DLC1: variants seen among roughly 807,000 people sequenced by gnomAD.
DLC1 encodes the protein DLC1 Rho GTPase activating protein, also known as rho GTPase-activating protein 7.
In DLC1, 54 loss-of-function variants were observed where a neutral mutation model predicts 140.3. That is an observed-to-expected ratio of 0.38 (90% CI 0.31 to 0.48). The LOEUF (loss-of-function observed/expected upper bound fraction) is 0.48, where lower values mean the gene tolerates loss of function less well. DLC1 is among the 20% of genes least tolerant of loss of function. The probability of loss-of-function intolerance (pLI) is 0.96; values close to 1 mark genes in which losing one functional copy is unlikely to be tolerated. For missense variants in DLC1, 2,536 were observed against 1,907.0 expected (o/e 1.33, Z -6.14); for synonymous variants, 986 against 728.1 (o/e 1.35, Z -5.70).
chr8:13,478,500 G>A (rs917102672), intron 2 of DLC1, among the ~76,000 whole-genome samples: 5 of 152,142 alleles, frequency 3.3e-5, no homozygotes, highest in African/African-American at 1.2e-4. Flanking sequence ...TGAACTCTTA[G>A]CTAAAGTCTA....
chr8:13,593,405 A>G (rs1433235322), intron 1 of DLC1, among the ~76,000 whole-genome samples: 3 of 152,262 alleles, frequency 2.0e-5, no homozygotes, highest in South Asian at 2.1e-4. Context: ...GAGTGTAACC[A>G]TTCAATTTGC....
intron 5 of DLC1, among the ~76,000 whole-genome samples, chr8:13,137,158 A>C (rs1822625749): frequency 6.6e-6 from 1 of 152,182 alleles, no homozygotes; most frequent in Admixed American, 6.5e-5. Context: ...AATCATGAAG[A>C]GTGTCAACAA....
chr8:13,243,063 G>A (rs1297510464), intron 5 of DLC1, among the ~76,000 whole-genome samples: 1 of 151,886 alleles, frequency 6.6e-6, no homozygotes, highest in Non-Finnish European at 1.5e-5. Flanking sequence ...GCCAAGGTGG[G>A]CAGATCGCTT....
chr8:13,362,065 GA>G (rs1389778852), intron 4 of DLC1, among the ~76,000 whole-genome samples: 2 of 152,344 alleles, frequency 1.3e-5, no homozygotes, highest in East Asian at 3.9e-4. Flanking sequence ...GAAAACAGCA[GA>G]ACTTTCCAGC....
intron 5 of DLC1, among the ~76,000 whole-genome samples, chr8:13,214,047 G>C (rs188405810): frequency 2.0e-5 from 3 of 152,110 alleles, no homozygotes; most frequent in Non-Finnish European, 4.4e-5. Context: ...GCCTCCCAAA[G>C]TGTTGGGTTT....
intron 2 of DLC1, among the ~76,000 whole-genome samples, chr8:13,486,342 G>GT (rs201757612): frequency 2.6e-5 from 4 of 152,048 alleles, no homozygotes; most frequent in Admixed American, 6.6e-5. Flanking sequence ...ATTCTCAGAT[G>GT]TTTTTTTCCC....
chr8:13,192,034 C>T lies in DLC1; in HGVS notation c.1349-76377G>A, dbSNP rs548308425. On this transcript the variant is annotated intron_variant, in intron 5 of 17. Transcript: ENST00000276297. Reference sequence around the variant, plus strand: ...TCGGCTCACTGCAGCCTCTGCCTCCCGGGTTCCAGAGGTTCTCCTGCCTCA... The same window carrying T: ...TCGGCTCACTGCAGCCTCTGCCTCCTGGGTTCCAGAGGTTCTCCTGCCTCA... Among the ~76,000 whole-genome samples the T allele has an allele frequency of 1.8e-4, 27 of 149,812 alleles. 1 individual carries two copies. Among genetic ancestry groups the T allele is most frequent in the African/African-American group, 4.9e-4 (20 of 40,644 alleles).
chr8:13,157,535 T>A (rs1177674132), intron 5 of DLC1, among the ~76,000 whole-genome samples: 11 of 152,202 alleles, frequency 7.2e-5, no homozygotes, highest in Admixed American at 6.5e-5. Context: ...ACCACACACC[T>A]ACTTTTTATT....
chr8:13,563,796 C>T (rs1247030589), intron 1 of DLC1, among the ~76,000 whole-genome samples: 1 of 152,074 alleles, frequency 6.6e-6, no homozygotes, highest in Non-Finnish European at 1.5e-5. Flanking sequence ...CTAGAAATAC[C>T]TTGCATCTGA....
At chr8:13,175,531 T>A (rs1563138193) in intron 5 of DLC1, among the ~76,000 whole-genome samples, 2 of 152,160 alleles carry the variant, frequency 1.3e-5, no homozygotes, top group East Asian at 1.9e-4. Flanking sequence ...ATTTCTGTCT[T>A]GTTTTTTAAA....
chr8:13,250,223 A>T (rs534137396), intron 5 of DLC1, among the ~76,000 whole-genome samples: 1 of 152,180 alleles, frequency 6.6e-6, no homozygotes, highest in Non-Finnish European at 1.5e-5. Context: ...TTGCTTTCAT[A>T]TAATTTGATT....
rs201237987 is a variant in DLC1 at position 13,115,640 on chromosome 8, C to T, written c.1366G>A (p.Ala456Thr). ...KEKAEIEAKE[A>T]CDWLRATGFP... ...CCAGTTGCCCGTAGCCAATCACAAG[C>T]TTCCTTGGCTTCAATTTCTAGAACA... Residue 456 changes from alanine to threonine, a missense_variant, in exon 6 of 18, where the codon GCT (alanine) becomes ACT (threonine). Coordinates refer to ENST00000276297, the MANE Select transcript of DLC1 (RefSeq NM_182643.3). The T allele has an allele frequency of 1.6e-5, 26 of 1,614,014 alleles. No homozygotes were observed. The highest frequency in any genetic ancestry group is 2.2e-5 in the East Asian group (1 of 44,874).
intron 5 of DLC1, among the ~76,000 whole-genome samples, chr8:13,163,184 TATA>T (rs1009993499): frequency 7.2e-5 from 11 of 152,210 alleles, no homozygotes; most frequent in African/African-American, 2.4e-4. Flanking sequence ...TCCATTGTGT[TATA>T]ATATTACCAC....
chr8:13,264,385 CT>C (rs1830602518), intron 5 of DLC1, among the ~76,000 whole-genome samples: 2 of 152,090 alleles, frequency 1.3e-5, no homozygotes, highest in Admixed American at 1.3e-4. Flanking sequence ...GAATAAGGAA[CT>C]TTATGTTCAA....
chr8:13,085,959 T>A lies in DLC1; in HGVS notation c.4467-28A>T, dbSNP rs76458783. 5.0e-3 allele frequency: 8,068 copies of A among 1,609,548 alleles called. 186 individuals carry two copies. Among genetic ancestry groups the A allele is most frequent in the South Asian group, 0.04 (3,602 of 90,464 alleles). ...ATCAGAGAAAAGAAAGAAAAGCTGA[T>A]GAATTATTTAAGTTAGAAAGCATGG... On this transcript the variant is annotated intron_variant, in intron 17 of 17. Coordinates refer to ENST00000276297, the MANE Select transcript of DLC1 (RefSeq NM_182643.3).
intron 5 of DLC1, among the ~76,000 whole-genome samples, chr8:13,258,377 G>C (rs1177746612): frequency 6.6e-6 from 1 of 152,162 alleles, no homozygotes; most frequent in Non-Finnish European, 1.5e-5. Context: ...TTAAGAATAG[G>C]CTCTGAAAAA....
chr8:13,499,049 C>G lies in DLC1; in HGVS notation c.1023G>C (p.Lys341Asn), dbSNP rs898216511. The part of the protein sequence containing the change: ...TDNQVRLRKR[K>N]EIREDRDRAR... ...CAGAGAATCTGTGCATATGTCTTAC[C>G]TTTCTCTTACGAAGTCTGACTTGGT... Residue 341 changes from lysine to asparagine, a missense_variant and splice_region_variant, in exon 2 of 18, where the codon AAG (lysine) becomes AAC (asparagine). Physicochemically the swap from Lys to Asn is moderately conservative, Grantham distance 94 (BLOSUM62 0). Coordinates refer to ENST00000276297, the MANE Select transcript of DLC1 (RefSeq NM_182643.3). 2 of 1,606,450 alleles carry G rather than the reference C, an allele frequency of 1.2e-6. No individual in the cohort carries two copies. The highest frequency in any genetic ancestry group is 1.7e-6 in the Non-Finnish European group (2 of 1,176,934).
At chr8:13,141,654 C>G (rs758032621) in intron 5 of DLC1, among the ~76,000 whole-genome samples, 1 of 152,146 alleles carries the variant, frequency 6.6e-6, no homozygotes, top group African/African-American at 2.4e-5. Context: ...TCCCTTTCTT[C>G]GCTGCTAACT....
At chr8:13,378,288 C>T (rs1364643821) in intron 4 of DLC1, among the ~76,000 whole-genome samples, 1 of 151,140 alleles carries the variant, frequency 6.6e-6, no homozygotes, top group Non-Finnish European at 1.5e-5. Context: ...TCCTATTTCT[C>T]ATCAGAGAAG....
Sources: gnomAD v4.1 joint callset for allele counts (sites outside exome capture counted in the v4.1 genomes callset) on GRCh38, gnomAD v4.1.1 for gene constraint, MANE v1.5 for transcripts, NCBI Gene and HGNC (gene_info 2026-07-23, HGNC 2026-07-21) for gene names.